The following NDUFC1 variants were observed in gnomAD, a reference collection of about 807,000 sequenced individuals.
NDUFC1 encodes the protein NADH:ubiquinone oxidoreductase subunit C1.
NDUFC1 carries 11 observed loss-of-function variants against 11.6 expected under a neutral mutation model. That is an observed-to-expected ratio of 0.95 (90% confidence interval 0.60 to 1.58). NDUFC1 has a LOEUF of 1.58. Ranked by LOEUF, NDUFC1 falls within the 40% of genes most tolerant of loss-of-function variation. The probability of loss-of-function intolerance (pLI) is 0.00; values close to 1 mark genes in which losing one functional copy is unlikely to be tolerated. For synonymous variants in NDUFC1, 52 were observed against 42.2 expected, an observed-to-expected ratio of 1.23 and a Z score of -0.90; for missense variants, 112 against 93.0, an observed-to-expected ratio of 1.20 and a Z score of -0.84.
At chr4:139,301,798 G>A in intron 1 of NDUFC1, 1 of 1,587,736 alleles carries the variant, frequency 6.3e-7, no homozygotes, top group South Asian at 1.1e-5. Flanking sequence ...TGAGCCTCCC[G>A]CCCAAGGAGA....
At chr4:139,291,552 T>G (rs1046527840) in intron 5 of NDUFC1, among the ~76,000 whole-genome samples, 2 of 151,802 alleles carry the variant, frequency 1.3e-5, no homozygotes, top group Non-Finnish European at 2.9e-5. Context: ...TCCAGCCTGG[T>G]GGCTCCGTCT....
At chr4:139,298,906 C>G (rs1005594019) in intron 1 of NDUFC1, among the ~76,000 whole-genome samples, 1 of 151,924 alleles carries the variant, frequency 6.6e-6, no homozygotes, top group Non-Finnish European at 1.5e-5. Flanking sequence ...AACTTCTGGG[C>G]TCAAGCGATC....
chr4:139,295,113 G>A lies in NDUFC1; in HGVS notation c.101C>T (p.Pro34Leu), dbSNP rs1745403958. 1.9e-6 allele frequency: 3 copies of A among 1,614,124 alleles called. No homozygotes were observed. The highest frequency in any genetic ancestry group is 1.3e-5 in the African/African-American group (1 of 75,024). The part of the protein sequence containing the change: ...SVRSKFYVRE[P>L]PNAKPDWLKV... ...CAGCCAGTCAGGTTTGGCATTCGGC[G>A]GCTCTCGCACGTAGAACTTTGATCG... Residue 34 changes from proline (P) to leucine (L), a missense_variant, in exon 4 of 6, where the codon CCG becomes CTG. By Grantham distance (98) the Pro-to-Leu change is moderately conservative. Transcript: ENST00000394223.
At chr4:139,292,665 T>G (rs1452926453) in intron 4 of NDUFC1, 56 bp from the exon 5 acceptor site, 2 of 1,131,676 alleles carry the variant, frequency 1.8e-6, no homozygotes, top group Non-Finnish European at 2.6e-6. Flanking sequence ...ATACTTATAT[T>G]TTGTAAAGGA....
chr4:139,290,512 A>C (rs2110750684), intron 5 of NDUFC1, among the ~76,000 whole-genome samples: 1 of 152,008 alleles, frequency 6.6e-6, no homozygotes, highest in East Asian at 1.9e-4. Flanking sequence ...AAAAAGGCAA[A>C]AGATTTGGAT....
intron 1 of NDUFC1, chr4:139,300,766 T>C (rs1745678586): frequency 6.6e-6 from 1 of 152,150 alleles, no homozygotes; most frequent in Non-Finnish European, 1.5e-5. Flanking sequence ...TCCAGGGTAG[T>C]CTGTCTTTAA....
At chr4:139,296,066 G>T in intron 2 of NDUFC1, 106 bp from the exon 3 acceptor site, 1 of 472,752 alleles carries the variant, frequency 2.1e-6, no homozygotes, top group Non-Finnish European at 3.7e-6. Context: ...TCATCAAGAG[G>T]TTTATTAAAA....
At chr4:139,300,465 C>T (rs1421548073) in intron 1 of NDUFC1, 1 of 152,136 alleles carries the variant, frequency 6.6e-6, no homozygotes, top group Admixed American at 6.5e-5. Flanking sequence ...AAGAATGCTA[C>T]AGAGTGAAAT....
chr4:139,301,892 C>T (rs911046054), intron 1 of NDUFC1: 3 of 1,523,468 alleles, frequency 2.0e-6, no homozygotes, highest in Non-Finnish European at 2.7e-6. Flanking sequence ...GGCCTGTCAC[C>T]CCTAACCTCG....
intron 1 of NDUFC1, among the ~76,000 whole-genome samples, chr4:139,298,872 AC>A (rs1293285999): frequency 2.0e-5 from 3 of 151,968 alleles, no homozygotes; most frequent in Non-Finnish European, 4.4e-5. Context: ...ACAGGGTCTC[AC>A]TATGTTGCCC....
chr4:139,301,656 T>G, intron 1 of NDUFC1: 1 of 1,170,516 alleles, frequency 8.5e-7, no homozygotes. Flanking sequence ...ACCCGAGGCC[T>G]GGTGGTGGCG....
At position 139,298,758 on chromosome 4, in the gene NDUFC1, C is replaced by T. The variant is rs528233984; in HGVS notation, c.-221-1315G>A. ...GTGTCATCACAGCTCACTGCAGTCT[C>T]GACCTCTGGGGCCGAAGGAATCTTC... On this transcript the variant is annotated intron_variant, in intron 1 of 5. Transcript: ENST00000394223. Among the ~76,000 whole-genome samples the T allele has an allele frequency of 5.9e-5, 9 of 151,662 alleles. No homozygotes were observed. In the South Asian group the frequency reaches 1.5e-3, roughly 25 times the overall value.
chr4:139,295,942 C>G lies in NDUFC1; in HGVS notation c.-144G>C. 1 of 753,154 alleles carries G rather than the reference C, an allele frequency of 1.3e-6. No homozygotes were observed. Among genetic ancestry groups the G allele is most frequent in the Non-Finnish European group, 2.1e-6 (1 of 468,116 alleles). 46.7% of individuals were successfully genotyped at this position (753,154 alleles called of 1,614,324 possible). On this transcript the variant is annotated 5_prime_UTR_variant, in exon 3 of 6. Transcript: ENST00000394223. ...CCAGCACGGCAAGGTTCTCTAGCAC[C>G]CCGGCCTCAGCCTTCTGTCTATACA...
intron 1 of NDUFC1, chr4:139,301,667 G>A (rs770926558): frequency 7.8e-7 from 1 of 1,275,920 alleles, no homozygotes; most frequent in Non-Finnish European, 1.1e-6. Flanking sequence ...GGTGGTGGCG[G>A]CGGATCGAGA....
intron 5 of NDUFC1, among the ~76,000 whole-genome samples, chr4:139,291,013 C>T (rs1430154103): frequency 1.3e-5 from 2 of 151,196 alleles, no homozygotes; most frequent in Admixed American, 6.6e-5. Context: ...GGTTTCGCCA[C>T]GTTGGCCAGG....
Position 139,290,317 on chromosome 4 carries a change from C to CTT in NDUFC1, c.*21-227_*21-226dup, listed in dbSNP as rs1248275815. ...TTCAATGCCTATTTCATTTTTACCT[C>CTT]TTTTTTTTTTTTTTTTTTTTGGTAG... is the stretch of plus-strand genomic sequence containing the variant. On this transcript the variant is annotated intron_variant, in intron 5 of 5. Coordinates refer to ENST00000394223, the MANE Select transcript of NDUFC1 (RefSeq NM_001184989.2). Among the ~76,000 whole-genome samples, 41 of 124,366 alleles carry CTT rather than the reference C, an allele frequency of 3.3e-4. 1 individual carries two copies. Among genetic ancestry groups the CTT allele is most frequent in the African/African-American group, 5.9e-4 (19 of 32,042 alleles). 81.6% of individuals were successfully genotyped at this position (124,366 alleles called of 152,430 possible).
chr4:139,294,408 C>T (rs1475743271), intron 4 of NDUFC1, among the ~76,000 whole-genome samples: 1 of 152,136 alleles, frequency 6.6e-6, no homozygotes, highest in Non-Finnish European at 1.5e-5. Context: ...CTTCATAAAA[C>T]TCCAATTAGC....
intron 4 of NDUFC1, among the ~76,000 whole-genome samples, chr4:139,294,158 T>C (rs539809229): frequency 6.6e-4 from 101 of 151,996 alleles, no homozygotes; most frequent in South Asian, 1.5e-3. Context: ...TTAGCCAGGA[T>C]GGTCTGGATC....
intron 1 of NDUFC1, among the ~76,000 whole-genome samples, chr4:139,297,745 C>T (rs967016060): frequency 1.3e-5 from 2 of 152,184 alleles, no homozygotes; most frequent in African/African-American, 4.8e-5. Flanking sequence ...ATTGATACAG[C>T]ATGCATGAGA....
Sources: allele counts gnomAD v4.1 joint callset (sites outside exome capture counted in the v4.1 genomes callset), GRCh38; gene constraint gnomAD v4.1.1; transcripts MANE v1.5; gene names NCBI Gene and HGNC (gene_info 2026-07-23, HGNC 2026-07-21).